WDR5B: variants seen among roughly 807,000 people sequenced by gnomAD.
WDR5B encodes WD repeat domain 5B.
A neutral mutation model predicts 24.0 loss-of-function variants in WDR5B; 17 were observed. The ratio of observed to expected loss-of-function variants is 0.71; its 90% CI spans 0.49 to 1.06. The LOEUF (loss-of-function observed/expected upper bound fraction) is 1.06. Among genes scored for constraint, WDR5B ranks in the 50% least tolerant of loss-of-function variants. WDR5B has a pLI of 0.00. For synonymous variants in WDR5B, 150 were observed against 146.4 expected, an observed-to-expected ratio of 1.02 and a Z score of -0.18; for missense variants, 368 against 384.1, an observed-to-expected ratio of 0.96 and a Z score of 0.35.
Position 122,413,467 on chromosome 3 carries a change from A to C in WDR5B, c.*1069T>G, listed in dbSNP as rs1465387352. ...CTAAAAATAGAAACATTAGCCAGGC[A>C]TGGTGGCACGCCTGTAATCCTAGCT... On this transcript the variant is annotated 3_prime_UTR_variant, in exon 1 of 1. Transcript: ENST00000330689. The C allele has an allele frequency of 2.6e-5, 4 of 152,254 alleles. No homozygotes were observed. The highest frequency in any genetic ancestry group is 9.7e-5 in the African/African-American group (4 of 41,438). The allele number at this position is 152,254 out of a possible 1,614,324, so 9.4% of individuals were successfully genotyped here.
chr3:122,414,755 T>C lies in WDR5B; in HGVS notation c.774A>G (p.Ile258Met). ...CACCAGTAACTGAAAAATTGGCAAA[T>C]ATGCAATATTTCTCATTCTTATGAC... ...YTGHKNEKYC[I>M]FANFSVTGGK... Residue 258 changes from isoleucine to methionine, a missense_variant, in exon 1 of 1, where the codon ATA (isoleucine) becomes ATG (methionine). Ile to Met is a conservative substitution (Grantham distance 10). Transcript: ENST00000330689. 2 of 1,614,154 alleles carry C rather than the reference T, an allele frequency of 1.2e-6. No individual in the cohort carries two copies. The highest frequency in any genetic ancestry group is 8.5e-7 in the Non-Finnish European group (1 of 1,180,034).
rs560859640 is a variant in WDR5B, at chr3:122,414,757, T to C, written c.772A>G (p.Ile258Val). The C allele has an allele frequency of 3.7e-6, 6 of 1,614,184 alleles. No homozygotes were observed. Among genetic ancestry groups the C allele is most frequent in the Admixed American group, 3.3e-5 (2 of 60,032 alleles). Reference protein sequence around the residue: ...YTGHKNEKYCIFANFSVTGGK... With the variant: ...YTGHKNEKYCVFANFSVTGGK... ...CCAGTAACTGAAAAATTGGCAAATATGCAATATTTCTCATTCTTATGACCA... is the reference window on the plus strand; with the variant it reads ...CCAGTAACTGAAAAATTGGCAAATACGCAATATTTCTCATTCTTATGACCA... The change falls in exon 1 of 1, where the codon ATA becomes GTA. Residue 258 changes from isoleucine to valine, a missense_variant. Transcript: ENST00000330689.
chr3:122,415,318 A>G lies in WDR5B; in HGVS notation c.211T>C (p.Tyr71His). Residue 71 changes from tyrosine to histidine, a missense_variant, in exon 1 of 1, where the codon TAT becomes CAT. Coordinates refer to ENST00000330689, the MANE Select transcript of WDR5B (RefSeq NM_019069.4). The stretch of plus-strand genomic sequence containing the variant: ...AGTGTTTTCTCATATTTTCCATCAT[A>G]TGCTCCCCAAATTATGATTAGCCTA... Reference protein sequence around the residue: ...ADRLIIIWGAYDGKYEKTLYG... With the variant: ...ADRLIIIWGAHDGKYEKTLYG... 6.2e-7 allele frequency: 1 copy of G among 1,614,224 alleles called. No individual in the cohort carries two copies. Among genetic ancestry groups the G allele is most frequent in the African/African-American group, 1.3e-5 (1 of 75,060 alleles).
chr3:122,413,043 A>AATC lies in WDR5B; in HGVS notation c.*1490_*1492dup, dbSNP rs2075712775. 6.6e-6 allele frequency: 1 copy of AATC among 152,318 alleles called. No individual in the cohort carries two copies. The highest frequency in any genetic ancestry group is 1.9e-4 in the East Asian group (1 of 5,188). The allele number at this position is 152,318 out of a possible 1,614,324, so 9.4% of individuals were successfully genotyped here. On this transcript the variant is annotated 3_prime_UTR_variant, in exon 1 of 1. Transcript: ENST00000330689. ...ATTCCCTTGCTCCCCTCTTTTAATCAATCATCCTGTCCTGTCAACTTTACT... is the reference window on the plus strand; with the variant it reads ...ATTCCCTTGCTCCCCTCTTTTAATCAATCATCATCCTGTCCTGTCAACTTTACT...
rs1370540114 is a variant in WDR5B, at chr3:122,413,476, C to A, written c.*1060G>T. ...GAAACATTAGCCAGGCATGGTGGCA[C>A]GCCTGTAATCCTAGCTACCTGGGAT... On this transcript the variant is annotated 3_prime_UTR_variant, in exon 1 of 1. Coordinates refer to ENST00000330689, the MANE Select transcript of WDR5B (RefSeq NM_019069.4). 1.3e-5 allele frequency: 2 copies of A among 152,142 alleles called. No individual in the cohort carries two copies. The highest frequency in any genetic ancestry group is 4.8e-5 in the African/African-American group (2 of 41,406). The allele number at this position is 152,142 out of a possible 1,614,324, so 9.4% of individuals were successfully genotyped here.
In WDR5B at chr3:122,413,854, A is replaced by G. The variant is rs2075717284; in HGVS notation, c.*682T>C. The G allele has an allele frequency of 6.6e-6, 1 of 152,208 alleles. No individual in the cohort carries two copies. Among genetic ancestry groups the G allele is most frequent in the Non-Finnish European group, 1.5e-5 (1 of 68,066 alleles). 9.4% of individuals were successfully genotyped at this position (152,208 alleles called of 1,614,324 possible). On this transcript the variant is annotated 3_prime_UTR_variant, in exon 1 of 1. Transcript: ENST00000330689. ...TTCGTAATAGCAAAGTTATGGAACC[A>G]ACCTAAGGGTCCATCAAGAGATGAC...
Position 122,414,659 on chromosome 3 carries a change from C to A in WDR5B, c.870G>T (p.Val290=). The change falls in exon 1 of 1, where the codon GTG becomes GTT. Residue 290 remains valine, a synonymous_variant. Transcript: ENST00000330689. The stretch of plus-strand genomic sequence containing the variant: ...CATCTGTATGGCCTTGTAATTTCTG[C>A]ACAATCTCTTTAGTCTGAAGGTTCC... ...YIWNLQTKEI[V]QKLQGHTDVV... is the part of the protein sequence containing the mutation. The A allele has an allele frequency of 6.2e-7, 1 of 1,614,186 alleles. No individual in the cohort carries two copies. Among genetic ancestry groups the A allele is most frequent in the Non-Finnish European group, 8.5e-7 (1 of 1,180,038 alleles).
Position 122,414,431 on chromosome 3 carries a change from T to C in WDR5B, c.*105A>G, listed in dbSNP as rs182779658. 78 of 1,354,522 alleles carry C rather than the reference T, an allele frequency of 5.8e-5. No individual in the cohort carries two copies. Among genetic ancestry groups the C allele is most frequent in the Middle Eastern group, 2.7e-4 (1 of 3,766 alleles). 83.9% of individuals were successfully genotyped at this position (1,354,522 alleles called of 1,614,324 possible). A position where few individuals can be genotyped will look rare whatever the true frequency, so the allele number is the denominator to read the frequency against. Reference sequence around the variant, plus strand: ...GTGTATGAATCTCAAAATTTAACAATAGACAATTTTTAAAATACCAAACTG... The same window carrying C: ...GTGTATGAATCTCAAAATTTAACAACAGACAATTTTTAAAATACCAAACTG... On this transcript the variant is annotated 3_prime_UTR_variant, in exon 1 of 1. Transcript: ENST00000330689.
chr3:122,413,211 A>AAC lies in WDR5B; in HGVS notation c.*1323_*1324dup, dbSNP rs1393221967. ...AAAGAAGACATACAAGTGGCCAACAAACACACACAAAAAAATGCTCAACAT... is the reference window on the plus strand; with the variant it reads ...AAAGAAGACATACAAGTGGCCAACAAACACACACACAAAAAAATGCTCAACAT... On this transcript the variant is annotated 3_prime_UTR_variant, in exon 1 of 1. Coordinates refer to ENST00000330689, the MANE Select transcript of WDR5B (RefSeq NM_019069.4). 1.3e-5 allele frequency: 2 copies of AAC among 152,294 alleles called. No homozygotes were observed. Among genetic ancestry groups the AAC allele is most frequent in the African/African-American group, 4.8e-5 (2 of 41,444 alleles). The allele number at this position is 152,294 out of a possible 1,614,324, so 9.4% of individuals were successfully genotyped here.
Position 122,414,534 on chromosome 3 carries a change from G to A in WDR5B, c.*2C>T, listed in dbSNP as rs768227519. The A allele has an allele frequency of 6.2e-7, 1 of 1,610,616 alleles. No individual in the cohort carries two copies. Among genetic ancestry groups the A allele is most frequent in the South Asian group, 1.1e-5 (1 of 90,886 alleles). On this transcript the variant is annotated 3_prime_UTR_variant, in exon 1 of 1. Transcript: ENST00000330689. ...GGCTCTACTACTTGATTTTCAAAGG[G>A]ATTAGTGGTTACTCATCCACAGTTT...
chr3:122,415,065 T>C lies in WDR5B; in HGVS notation c.464A>G (p.Lys155Arg). 1 of 1,614,142 alleles carries C rather than the reference T, an allele frequency of 6.2e-7. No homozygotes were observed. The highest frequency in any genetic ancestry group is 8.5e-7 in the Non-Finnish European group (1 of 1,180,036). Residue 155 changes from lysine to arginine, a missense_variant, in exon 1 of 1, where the codon AAA (lysine) becomes AGA (arginine). Physicochemically the swap from Lys to Arg is conservative, Grantham distance 26. Transcript: ENST00000330689. ...FDETVKIWEV[K>R]TGKCLKTLSA... is the part of the protein sequence containing the mutation. ...CAAAGTCTTGAGACACTTTCCTGTT[T>C]TCACCTCCCATATTTTTACAGTCTC... is the stretch of plus-strand genomic sequence containing the variant.
At position 122,415,049 on chromosome 3, in the gene WDR5B, GAGACA is replaced by G; in HGVS notation, c.475_479del (p.Cys159GlnfsTer8). Reference sequence around the variant, plus strand: ...GGTCAGAATGAGCAGACAAAGTCTTGAGACACTTTCCTGTTTTCACCTCCCATATT... The same window carrying G: ...GGTCAGAATGAGCAGACAAAGTCTTGCTTTCCTGTTTTCACCTCCCATATT... On this transcript the variant is annotated frameshift_variant, in exon 1 of 1. Coordinates refer to ENST00000330689, the MANE Select transcript of WDR5B (RefSeq NM_019069.4). LOFTEE classifies it high-confidence loss of function. 6.2e-7 allele frequency: 1 copy of G among 1,614,186 alleles called. No homozygotes were observed.
Position 122,414,386 on chromosome 3 carries a change from T to A in WDR5B, c.*150A>T. On this transcript the variant is annotated 3_prime_UTR_variant, in exon 1 of 1. Transcript: ENST00000330689. Reference sequence around the variant, plus strand: ...TGAATTCTAGATGTGCTTTTTCAACTATCTCATTTTGTAAATGTAGTGTAT... The same window carrying A: ...TGAATTCTAGATGTGCTTTTTCAACAATCTCATTTTGTAAATGTAGTGTAT... 1.0e-6 allele frequency: 1 copy of A among 971,378 alleles called. No homozygotes were observed. The highest frequency in any genetic ancestry group is 1.5e-6 in the Non-Finnish European group (1 of 683,570). 60.2% of individuals were successfully genotyped at this position (971,378 alleles called of 1,614,324 possible).
Position 122,415,295 on chromosome 3 carries a change from T to G in WDR5B, c.234A>C (p.Thr78=), listed in dbSNP as rs754987822. The change falls in exon 1 of 1, where the codon ACA becomes ACC. Residue 78 remains threonine, a synonymous_variant. Coordinates refer to ENST00000330689, the MANE Select transcript of WDR5B (RefSeq NM_019069.4). ...WGAYDGKYEK[T]LYGHNLEISD... The stretch of plus-strand genomic sequence containing the variant: ...ATATTTCCAAATTATGACCATAGAG[T>G]GTTTTCTCATATTTTCCATCATATG... 1 of 1,613,962 alleles carries G rather than the reference T, an allele frequency of 6.2e-7. No homozygotes were observed. Among genetic ancestry groups the G allele is most frequent in the Non-Finnish European group, 8.5e-7 (1 of 1,179,986 alleles).
chr3:122,415,554 T>C lies in WDR5B; in HGVS notation c.-26A>G. ...GGCTCTGAAGCTCCAAGTTAGCAGG[T>C]GTACTAGGCGTTCAGCCCTGAACCA... On this transcript the variant is annotated 5_prime_UTR_variant, in exon 1 of 1. Transcript: ENST00000330689. The C allele has an allele frequency of 6.3e-7, 1 of 1,589,616 alleles. No homozygotes were observed. The highest frequency in any genetic ancestry group is 8.6e-7 in the Non-Finnish European group (1 of 1,168,506).
chr3:122,415,665 T>A lies in WDR5B; in HGVS notation c.-137A>T. 8.6e-7 allele frequency: 1 copy of A among 1,160,558 alleles called. No individual in the cohort carries two copies. Among genetic ancestry groups the A allele is most frequent in the Non-Finnish European group, 1.2e-6 (1 of 831,848 alleles). 71.9% of individuals were successfully genotyped at this position (1,160,558 alleles called of 1,614,324 possible). On this transcript the variant is annotated 5_prime_UTR_variant, in exon 1 of 1. Transcript: ENST00000330689. ...AATGTACAGTTTTGAAAGCTTAAAGTTTCTGGACAGTCTTTAAACTGTGAG... is the reference window on the plus strand; with the variant it reads ...AATGTACAGTTTTGAAAGCTTAAAGATTCTGGACAGTCTTTAAACTGTGAG...
At position 122,411,915 on chromosome 3, in the gene WDR5B, G is replaced by A. The variant is rs1022896060; in HGVS notation, c.*2621C>T. 9.9e-5 allele frequency: 15 copies of A among 152,044 alleles called. No homozygotes were observed. Among genetic ancestry groups the A allele is most frequent in the African/African-American group, 3.6e-4 (15 of 41,394 alleles). 9.4% of individuals were successfully genotyped at this position (152,044 alleles called of 1,614,324 possible). On this transcript the variant is annotated 3_prime_UTR_variant, in exon 1 of 1. Coordinates refer to ENST00000330689, the MANE Select transcript of WDR5B (RefSeq NM_019069.4). Reference sequence around the variant, plus strand: ...GCTCACAACTGTTATTATGCATCAGGAATTAACAGTCATTTCTCATTTGTG... The same window carrying A: ...GCTCACAACTGTTATTATGCATCAGAAATTAACAGTCATTTCTCATTTGTG...
At position 122,414,192 on chromosome 3, in the gene WDR5B, G is replaced by T; in HGVS notation, c.*344C>A. 1 of 259,314 alleles carries T rather than the reference G, an allele frequency of 3.9e-6. No homozygotes were observed. The highest frequency in any genetic ancestry group is 7.4e-6 in the Non-Finnish European group (1 of 134,878). 16.1% of individuals were successfully genotyped at this position (259,314 alleles called of 1,614,324 possible). A position where few individuals can be genotyped will look rare whatever the true frequency, so the allele number is the denominator to read the frequency against. On this transcript the variant is annotated 3_prime_UTR_variant, in exon 1 of 1. Transcript: ENST00000330689. Reference sequence around the variant, plus strand: ...ATAGACACTAGAGCCTTCAAAGGTGGGAGTGGGGTGAGAGATGGGAAAGTA... The same window carrying T: ...ATAGACACTAGAGCCTTCAAAGGTGTGAGTGGGGTGAGAGATGGGAAAGTA...
rs138294030 is a variant in WDR5B at position 122,414,833 on chromosome 3, G to A, written c.696C>T (p.Asn232=). ...GKYILTATLD[N]TLKLWDYSRG... is the part of the protein sequence containing the mutation. ...TGCTATAATCCCATAGTTTAAGAGT[G>A]TTGTCCAAAGTTGCAGTGAGAATGT... The change falls in exon 1 of 1, where the codon AAC becomes AAT. Residue 232 remains asparagine (N), a synonymous_variant. Transcript: ENST00000330689. 503 of 1,613,990 alleles carry A rather than the reference G, an allele frequency of 3.1e-4. No individual in the cohort carries two copies. Among genetic ancestry groups the A allele is most frequent in the Non-Finnish European group, 4.0e-4 (472 of 1,180,034 alleles).
Sources: allele counts gnomAD v4.1 joint callset, GRCh38; gene constraint gnomAD v4.1.1; transcripts MANE v1.5; gene names NCBI Gene and HGNC (gene_info 2026-07-23, HGNC 2026-07-21).